MKI67: variants seen among roughly 807,000 people sequenced by gnomAD.
MKI67 encodes marker of proliferation Ki-67.
In MKI67, 152 loss-of-function variants were observed where a neutral mutation model predicts 233.5. The observed-to-expected ratio is 0.65, with a 90% CI of 0.57 to 0.74. The LOEUF (loss-of-function observed/expected upper bound fraction) is 0.74, where lower values mean the gene tolerates loss of function less well. MKI67 is among the 30% of genes least tolerant of loss of function. The pLI, the probability that MKI67 is intolerant of heterozygous loss-of-function variation, is 0.00. For synonymous variants in MKI67, 1,465 were observed against 1,418.5 expected (o/e 1.03, Z -0.74); for missense variants, 3,940 against 3,885.2 (o/e 1.01, Z -0.37).
At position 128,107,342 on chromosome 10, in the gene MKI67, G is replaced by A. The variant is rs1215292745; in HGVS notation, c.4498C>T (p.Pro1500Ser). The change falls in exon 13 of 15, where the codon CCA becomes TCA. Residue 1500 changes from proline to serine, a missense_variant. Physicochemically the swap from Pro to Ser is moderately conservative, Grantham distance 74. Coordinates refer to ENST00000368654, the MANE Select transcript of MKI67 (RefSeq NM_002417.5). ...TTGGAGCTTGTTGGTGTGTCCACTG[G>A]GTCTGGTTGTGATCTGCAGGCTATT... Reference protein sequence around the residue: ...TKIACRSQPDPVDTPTSSKPQ... With the variant: ...TKIACRSQPDSVDTPTSSKPQ... 8 of 1,613,700 alleles carry A rather than the reference G, an allele frequency of 5.0e-6. No individual in the cohort carries two copies. The highest frequency in any genetic ancestry group is 6.8e-6 in the Non-Finnish European group (8 of 1,180,000).
At chr10:128,126,017 C>G (rs1259343769) in intron 1 of MKI67, 82 bp downstream of exon 1, 4 of 321,150 alleles carry the variant, frequency 1.2e-5, no homozygotes, top group Non-Finnish European at 2.3e-5. Flanking sequence ...CTGTCCCCTG[C>G]CCGTCCCCGC....
At position 128,097,593 on chromosome 10, in the gene MKI67, C is replaced by G. The variant is rs527364309; in HGVS notation, c.*1597G>C. On this transcript the variant is annotated 3_prime_UTR_variant, in exon 15 of 15. Transcript: ENST00000368654. ...TACTAAGTCTAAAGTGTTAGAACAACTTGATCATAGCAACATTCCTACTGA... is the reference window on the plus strand; with the variant it reads ...TACTAAGTCTAAAGTGTTAGAACAAGTTGATCATAGCAACATTCCTACTGA... The G allele has an allele frequency of 1.3e-5, 2 of 152,206 alleles. No homozygotes were observed. Among genetic ancestry groups the G allele is most frequent in the Non-Finnish European group, 2.9e-5 (2 of 68,012 alleles). The allele number at this position is 152,206 out of a possible 1,614,324, so 9.4% of individuals were successfully genotyped here. A position where few individuals can be genotyped will look rare whatever the true frequency, so the allele number is the denominator to read the frequency against.
Position 128,104,336 on chromosome 10 carries a change from T to A in MKI67, c.7504A>T (p.Thr2502Ser). 6.2e-7 allele frequency: 1 copy of A among 1,613,988 alleles called. No individual in the cohort carries two copies. Among genetic ancestry groups the A allele is most frequent in the East Asian group, 2.2e-5 (1 of 44,878 alleles). ...TGCGTAGTCTCCCCTGATGTCCGTGTGAGCTTGCTGACTGCTAGGGGCTCT... is the reference window on the plus strand; with the variant it reads ...TGCGTAGTCTCCCCTGATGTCCGTGAGAGCTTGCTGACTGCTAGGGGCTCT... The part of the protein sequence containing the change: ...KEEPLAVSKL[T>S]RTSGETTQTH... Residue 2502 changes from threonine to serine, a missense_variant, in exon 13 of 15, where the codon ACA becomes TCA. Transcript: ENST00000368654.
At chr10:128,113,905 T>G (rs1486033308) in intron 7 of MKI67, among the ~76,000 whole-genome samples, 1 of 149,586 alleles carries the variant, frequency 6.7e-6, no homozygotes, top group East Asian at 1.9e-4. Flanking sequence ...CACCTTAGAG[T>G]AGGGGGACGA....
intron 7 of MKI67, among the ~76,000 whole-genome samples, chr10:128,113,851 A>G (rs1852735415): frequency 2.0e-5 from 3 of 152,320 alleles, no homozygotes; most frequent in South Asian, 2.1e-4. Context: ...ACATTGAAAC[A>G]TTATGTGTGG....
Position 128,107,067 on chromosome 10 carries a change from A to C in MKI67, c.4773T>G (p.Phe1591Leu), listed in dbSNP as rs775036379. The change falls in exon 13 of 15, where the codon TTT becomes TTG. Residue 1591 changes from phenylalanine to leucine, a missense_variant. By Grantham distance (22) the Phe-to-Leu change is conservative. Coordinates refer to ENST00000368654, the MANE Select transcript of MKI67 (RefSeq NM_002417.5). ...KAQALEDLAG[F>L]KELFQTRGHT... ...GACCTCGTGTCTGGAAGAGCTCTTT[A>C]AAGCCAGCCAGGTCTTCTAGAGCCT... The C allele has an allele frequency of 1.2e-6, 2 of 1,612,808 alleles. No homozygotes were observed. The highest frequency in any genetic ancestry group is 2.2e-5 in the South Asian group (2 of 90,998).
At chr10:128,100,762 G>A (rs962391148) in intron 14 of MKI67, among the ~76,000 whole-genome samples, 7 of 152,276 alleles carry the variant, frequency 4.6e-5, no homozygotes, top group South Asian at 2.1e-4. Context: ...GAGGGCAGAC[G>A]CATCCCCCAC....
rs1392760018 is a variant in MKI67 at position 128,125,538 on chromosome 10, T to C, written c.92+38A>G. 2 of 1,542,760 alleles carry C rather than the reference T, an allele frequency of 1.3e-6. No homozygotes were observed. Among genetic ancestry groups the C allele is most frequent in the South Asian group, 2.2e-5 (2 of 89,572 alleles). The stretch of plus-strand genomic sequence containing the variant: ...TCTGTGACTAAGGTATTTTCCTCTT[T>C]CTCAGCTAAAACGTCCGCGCGCGCC... On this transcript the variant is annotated intron_variant, in intron 2 of 14. Transcript: ENST00000368654. The surrounding 1 kb of genome is among the most constrained non-coding windows in gnomAD (Gnocchi z 5.3).
Position 128,115,574 on chromosome 10 carries a change from ATCAGCACTT to A in MKI67, c.825_833del (p.Glu275_Ala277del). The A allele has an allele frequency of 6.2e-7, 1 of 1,614,232 alleles. No individual in the cohort carries two copies. The highest frequency in any genetic ancestry group is 8.5e-7 in the Non-Finnish European group (1 of 1,180,050). On this transcript the variant is annotated inframe_deletion, in exon 7 of 15. Transcript: ENST00000368654. ...ACAGTTGGGTCTCCCCCTGTAAACC[ATCAGCACTT>A]TCTTTCTCTGTTGCGTAATCAGTTT...
At position 128,124,562 on chromosome 10, in the gene MKI67, C is replaced by T. The variant is rs188424486; in HGVS notation, c.92+1014G>A. On this transcript the variant is annotated intron_variant, in intron 2 of 14. Coordinates refer to ENST00000368654, the MANE Select transcript of MKI67 (RefSeq NM_002417.5). ...GCTCCAGCCCATGTTTCTACTGACCCTTGCCAGAATGCTAGGTATTGATCA... is the reference window on the plus strand; with the variant it reads ...GCTCCAGCCCATGTTTCTACTGACCTTTGCCAGAATGCTAGGTATTGATCA... Among the ~76,000 whole-genome samples the T allele has an allele frequency of 5.9e-5, 9 of 152,336 alleles. No individual in the cohort carries two copies. In the East Asian group the frequency reaches 1.3e-3, roughly 23 times the overall value.
Position 128,103,355 on chromosome 10 carries a change from G to T in MKI67, c.8485C>A (p.Pro2829Thr). 1 of 1,614,108 alleles carries T rather than the reference G, an allele frequency of 6.2e-7. No individual in the cohort carries two copies. The highest frequency in any genetic ancestry group is 8.5e-7 in the Non-Finnish European group (1 of 1,180,014). ...KTTKIPCKSS[P>T]ELEDTATSSK... The stretch of plus-strand genomic sequence containing the variant: ...CTTGTTGCGGTGTCTTCTAGTTCTG[G>T]TGATGATTTGCAGGGTATTTTAGTG... Residue 2829 changes from proline to threonine, a missense_variant, in exon 13 of 15, where the codon CCA (proline) becomes ACA (threonine). Physicochemically the swap from Pro to Thr is conservative, Grantham distance 38. Transcript: ENST00000368654.
Position 128,105,167 on chromosome 10 carries a change from G to C in MKI67, c.6673C>G (p.Gln2225Glu). The change falls in exon 13 of 15, where the codon CAA becomes GAA. Residue 2225 changes from glutamine to glutamate, a missense_variant. Transcript: ENST00000368654. The part of the protein sequence containing the change: ...KTTKIACRSP[Q>E]PDPVGTPTIF... ...GTTGGGGTACCCACTGGGTCTGGTT[G>C]TGGAGATCTGCAGGCTATTTTGGTA... 1 of 1,613,774 alleles carries C rather than the reference G, an allele frequency of 6.2e-7. No homozygotes were observed. The highest frequency in any genetic ancestry group is 1.3e-5 in the African/African-American group (1 of 74,896).
At position 128,101,402 on chromosome 10, in the gene MKI67, T is replaced by C; in HGVS notation, c.9561A>G (p.Lys3187=). The C allele has an allele frequency of 1.9e-6, 3 of 1,614,200 alleles. No homozygotes were observed. The highest frequency in any genetic ancestry group is 1.1e-5 in the South Asian group (1 of 91,078). The change falls in exon 14 of 15, where the codon AAA becomes AAG. Residue 3187 remains lysine (K), a synonymous_variant. Coordinates refer to ENST00000368654, the MANE Select transcript of MKI67 (RefSeq NM_002417.5). ...CTGAATTTCCTGCTTCTCCTTTCCCTTTCTGATTCTGCATGAGAACCTTCG... is the reference window on the plus strand; with the variant it reads ...CTGAATTTCCTGCTTCTCCTTTCCCCTTCTGATTCTGCATGAGAACCTTCG... ...KSAKVLMQNQ[K]GKGEAGNSDS...
In MKI67 at chr10:128,105,115, C is replaced by G. The variant is rs1419992295; in HGVS notation, c.6725G>C (p.Ser2242Thr). 6.2e-7 allele frequency: 1 copy of G among 1,613,502 alleles called. No individual in the cohort carries two copies. The highest frequency in any genetic ancestry group is 1.7e-5 in the Admixed American group (1 of 59,952). The change falls in exon 13 of 15, where the codon AGT becomes ACT. Residue 2242 changes from serine to threonine, a missense_variant. By Grantham distance (58) the Ser-to-Thr change is moderately conservative. Transcript: ENST00000368654. ...PTIFKPQSKR[S>T]LRKADVEEES... Reference sequence around the variant, plus strand: ...TTCCTCTACGTCTGCTTTCCTGAGACTTCTCTTGGACTGTGGCTTGAAGAT... The same window carrying G: ...TTCCTCTACGTCTGCTTTCCTGAGAGTTCTCTTGGACTGTGGCTTGAAGAT...
At chr10:128,123,877 C>T (rs939472831) in intron 2 of MKI67, among the ~76,000 whole-genome samples, 5 of 152,202 alleles carry the variant, frequency 3.3e-5, no homozygotes, top group African/African-American at 1.2e-4. Context: ...GCAGAAGAGA[C>T]AATTCCTAAA....
At chr10:128,124,826 C>G (rs745903870) in intron 2 of MKI67, among the ~76,000 whole-genome samples, 1 of 152,126 alleles carries the variant, frequency 6.6e-6, no homozygotes, top group Non-Finnish European at 1.5e-5. Flanking sequence ...TGTAAACTTC[C>G]AAGTGTGTAA....
chr10:128,120,687 T>G (rs1177027986), intron 4 of MKI67, among the ~76,000 whole-genome samples: 1 of 152,118 alleles, frequency 6.6e-6, no homozygotes, highest in African/African-American at 2.4e-5. Flanking sequence ...AGAGATTCAT[T>G]TAGCAGAATG....
rs530886296 is a variant in MKI67 at position 128,125,431 on chromosome 10, T to C, written c.92+145A>G. On this transcript the variant is annotated intron_variant, in intron 2 of 14. Transcript: ENST00000368654. This position sits in a 1 kb window ranked among gnomAD's most constrained non-coding sequence, Gnocchi z 5.3. ...CTTACAAAACAAAAAAACACAACTA[T>C]GTCAACTTAGTAACGAATGGGAGAA... 8.5e-6 allele frequency: 6 copies of C among 708,988 alleles called. No individual in the cohort carries two copies. In the Admixed American group the frequency reaches 1.2e-4, roughly 14 times the overall value. The allele number at this position is 708,988 out of a possible 1,614,324, so 43.9% of individuals were successfully genotyped here. A position where few individuals can be genotyped will look rare whatever the true frequency, so the allele number is the denominator to read the frequency against.
chr10:128,104,491 G>A lies in MKI67; in HGVS notation c.7349C>T (p.Thr2450Ile). 2 of 1,614,196 alleles carry A rather than the reference G, an allele frequency of 1.2e-6. No homozygotes were observed. The highest frequency in any genetic ancestry group is 1.7e-6 in the Non-Finnish European group (2 of 1,180,046). ...FKELFQTPGHTEESMTDDKIT... is the reference protein window; with the variant it reads ...FKELFQTPGHIEESMTDDKIT... ...TTTGTCATCAGTCATTGATTCCTCA[G>A]TGTGACCTGGTGTCTGGAAGAGTTC... Residue 2450 changes from threonine (T) to isoleucine (I), a missense_variant, in exon 13 of 15, where the codon ACT (threonine) becomes ATT (isoleucine). By Grantham distance (89) the Thr-to-Ile change is moderately conservative. Transcript: ENST00000368654.
Sources: gnomAD v4.1 joint callset for allele counts (sites outside exome capture counted in the v4.1 genomes callset) on GRCh38, gnomAD v4.1.1 for gene constraint, Gnocchi (gnomAD v3.1) non-coding constraint, MANE v1.5 for transcripts, NCBI Gene and HGNC (gene_info 2026-07-23, HGNC 2026-07-21) for gene names.